The following TLK1 variants were observed in gnomAD, a reference collection of about 807,000 sequenced individuals.
TLK1 encodes serine/threonine-protein kinase tousled-like 1.
Under a neutral mutation model 105.3 loss-of-function variants are expected in TLK1, and 24 were observed. The observed-to-expected ratio is 0.23, with a 90% CI of 0.17 to 0.32. TLK1 has a LOEUF of 0.32. TLK1 is among the 10% of genes least tolerant of loss of function. The pLI is 1.00. For synonymous variants in TLK1, 321 were observed against 310.4 expected (o/e 1.03, Z -0.36); for missense variants, 558 against 910.5 (o/e 0.61, Z 4.98).
At chr2:171,015,651 T>A (rs1685145946) in intron 12 of TLK1, among the ~76,000 whole-genome samples, 1 of 141,448 alleles carries the variant, frequency 7.1e-6, no homozygotes, top group Non-Finnish European at 1.5e-5. Flanking sequence ...CCAAAACAAG[T>A]ACACATATCA....
intron 3 of TLK1, among the ~76,000 whole-genome samples, chr2:171,071,569 G>A (rs541240572): frequency 6.6e-6 from 1 of 152,238 alleles, no homozygotes; most frequent in South Asian, 2.1e-4. Context: ...TTACAGGTGT[G>A]AGCCACCACG....
At chr2:171,006,073 A>C in intron 18 of TLK1, 74 bp downstream of exon 18, 1 of 1,408,348 alleles carries the variant, frequency 7.1e-7, no homozygotes, top group Non-Finnish European at 9.4e-7. Flanking sequence ...GGAAATAAAA[A>C]AAAAAACACT....
At chr2:171,199,476 A>G (rs1181434000) in intron 1 of TLK1, among the ~76,000 whole-genome samples, 4 of 151,712 alleles carry the variant, frequency 2.6e-5, no homozygotes, top group Non-Finnish European at 5.9e-5. Flanking sequence ...TCACATCACC[A>G]CACTCTGTCC....
intron 3 of TLK1, among the ~76,000 whole-genome samples, chr2:171,074,538 G>A (rs1688409811): frequency 6.7e-6 from 1 of 149,598 alleles, no homozygotes; most frequent in Admixed American, 6.8e-5. Context: ...TGAGGCCAGA[G>A]AATTGCTGAG....
intron 16 of TLK1, 73 bp from the exon 17 acceptor site, chr2:171,006,716 G>A (rs551112350): frequency 1.9e-6 from 3 of 1,592,490 alleles, no homozygotes; most frequent in African/African-American, 2.7e-5. Context: ...GGGAAATGGA[G>A]AGTATTTATA....
chr2:171,205,655 T>C (rs1346906692), intron 1 of TLK1, among the ~76,000 whole-genome samples: 2 of 152,186 alleles, frequency 1.3e-5, no homozygotes, highest in African/African-American at 4.8e-5. Flanking sequence ...TTAACACCTC[T>C]GAAATTCAGG....
intron 1 of TLK1, among the ~76,000 whole-genome samples, chr2:171,213,664 C>T (rs1693661173): frequency 6.6e-6 from 1 of 150,692 alleles, no homozygotes; most frequent in African/African-American, 2.4e-5. Flanking sequence ...ATGGCATGCA[C>T]CTGTAGTCCC....
chr2:171,051,598 G>C (rs1386729359), intron 8 of TLK1, among the ~76,000 whole-genome samples: 2 of 152,168 alleles, frequency 1.3e-5, no homozygotes, highest in East Asian at 3.8e-4. Context: ...TGATACTGAG[G>C]AGTAATAATA....
chr2:171,211,989 G>A (rs1376666453), intron 1 of TLK1, among the ~76,000 whole-genome samples: 1 of 151,972 alleles, frequency 6.6e-6, no homozygotes, highest in African/African-American at 2.4e-5. Flanking sequence ...GGAATTACAG[G>A]CATGCACCAC....
At position 171,026,828 on chromosome 2, in the gene TLK1, T is replaced by A. The variant is rs562238055; in HGVS notation, c.1236+1511A>T. ...GGTTCTATCACTATTATAGAACTATTATGATAGTTATATAGCTCCATCTAT... is the reference window on the plus strand; with the variant it reads ...GGTTCTATCACTATTATAGAACTATAATGATAGTTATATAGCTCCATCTAT... On this transcript the variant is annotated intron_variant, in intron 12 of 20. Transcript: ENST00000431350. 2.6e-5 allele frequency among the ~76,000 whole-genome samples: 4 copies of A among 152,260 alleles called. No homozygotes were observed. In the East Asian group the frequency reaches 7.7e-4, roughly 29 times the overall value.
In TLK1 at chr2:171,024,381, T is replaced by A. The variant is rs140315776; in HGVS notation, c.1236+3958A>T. 3.5e-3 allele frequency among the ~76,000 whole-genome samples: 535 copies of A among 152,190 alleles called. 6 individuals are homozygous for A. The highest frequency in any genetic ancestry group is 0.012 in the African/African-American group (492 of 41,522). On this transcript the variant is annotated intron_variant, in intron 12 of 20. Transcript: ENST00000431350. Reference sequence around the variant, plus strand: ...GTTGATTCAACAGTCACTAACATAATGCCCAAGGAAGAAAGTATGTGAAAG... The same window carrying A: ...GTTGATTCAACAGTCACTAACATAAAGCCCAAGGAAGAAAGTATGTGAAAG...
At chr2:171,078,005 C>T (rs1200659082) in intron 3 of TLK1, among the ~76,000 whole-genome samples, 1 of 152,156 alleles carries the variant, frequency 6.6e-6, no homozygotes, top group Non-Finnish European at 1.5e-5. Context: ...TTATCTACAA[C>T]CAAGCCTTTT....
intron 18 of TLK1, among the ~76,000 whole-genome samples, chr2:170,998,498 C>A (rs1272438928): frequency 1.4e-4 from 21 of 152,138 alleles, no homozygotes; most frequent in Admixed American, 1.4e-3. Flanking sequence ...TACTGCCTTC[C>A]CTAATCACTC....
At chr2:171,136,762 A>G (rs1197555983) in intron 1 of TLK1, among the ~76,000 whole-genome samples, 1 of 152,232 alleles carries the variant, frequency 6.6e-6, no homozygotes, top group African/African-American at 2.4e-5. Context: ...ACTTTCAACT[A>G]CCTGGATAGC....
At chr2:171,137,513 C>T (rs1050074854) in intron 1 of TLK1, among the ~76,000 whole-genome samples, 2 of 152,060 alleles carry the variant, frequency 1.3e-5, no homozygotes, top group African/African-American at 4.8e-5. Flanking sequence ...GCACATATGC[C>T]TTGTTTAATA....
intron 18 of TLK1, among the ~76,000 whole-genome samples, chr2:171,004,768 T>C (rs756045980): frequency 6.6e-6 from 1 of 152,114 alleles, no homozygotes; most frequent in Non-Finnish European, 1.5e-5. Flanking sequence ...TAAGATTTTG[T>C]TGTTAAAAAA....
chr2:171,065,561 G>A (rs1385119953), intron 3 of TLK1, among the ~76,000 whole-genome samples: 2 of 149,592 alleles, frequency 1.3e-5, no homozygotes, highest in Non-Finnish European at 3.0e-5. Context: ...TTTTTGAGAC[G>A]GAGTCTCGCT....
chr2:171,216,486 C>T (rs373627992), intron 1 of TLK1, among the ~76,000 whole-genome samples: 2 of 151,878 alleles, frequency 1.3e-5, no homozygotes, highest in South Asian at 4.2e-4. Context: ...AAAAACAAAA[C>T]AAAACAAAAA....
chr2:171,203,913 G>A lies in TLK1; in HGVS notation c.-6+27232C>T, dbSNP rs141743229. ...AAAAAAATACAAAAATTTGCCGGGC[G>A]TGGTGGCGCACACCTGTAGTCCCAA... On this transcript the variant is annotated intron_variant, in intron 1 of 20. Transcript: ENST00000521943. Among the ~76,000 whole-genome samples the A allele has an allele frequency of 4.9e-3, 743 of 152,176 alleles. 7 individuals are homozygous for A. The highest frequency in any genetic ancestry group is 0.016 in the African/African-American group (656 of 41,512).
Sources: gnomAD v4.1 joint callset for allele counts (sites outside exome capture counted in the v4.1 genomes callset) on GRCh38, gnomAD v4.1.1 for gene constraint, MANE v1.5 for transcripts, NCBI Gene and HGNC (gene_info 2026-07-23, HGNC 2026-07-21) for gene names.